VAT1L: variants seen among roughly 807,000 people sequenced by gnomAD.
VAT1L encodes the protein putative NADPH-dependent quinone oxidoreductase VAT1L.
In VAT1L, 34 loss-of-function variants were observed where a neutral mutation model predicts 44.1. That is an observed-to-expected ratio of 0.77 (90% CI 0.59 to 1.03). VAT1L has a LOEUF of 1.03. VAT1L is among the 50% of genes least tolerant of loss of function. The probability of loss-of-function intolerance (pLI) is 0.00; values close to 1 mark genes in which losing one functional copy is unlikely to be tolerated. For missense variants in VAT1L, 615 were observed against 538.8 expected (o/e 1.14, Z -1.40); for synonymous variants, 253 against 202.2 (o/e 1.25, Z -2.13).
chr16:77,922,921 A>G (rs1443003412), intron 7 of VAT1L, among the ~76,000 whole-genome samples: 1 of 152,140 alleles, frequency 6.6e-6, no homozygotes, highest in Admixed American at 6.5e-5. Context: ...TATAATGCAG[A>G]TTCCGGGACC....
chr16:77,946,301 T>TTTTTTTTTTA (rs2017965487), intron 7 of VAT1L, among the ~76,000 whole-genome samples: 1 of 127,820 alleles, frequency 7.8e-6, no homozygotes, highest in Non-Finnish European at 1.7e-5. Context: ...TTTTTTTTTT[T>TTTTTTTTTTA]GAGACAGAGT....
chr16:77,853,245 G>A (rs926071041), intron 3 of VAT1L, among the ~76,000 whole-genome samples: 1 of 152,144 alleles, frequency 6.6e-6, no homozygotes, highest in African/African-American at 2.4e-5. Context: ...CTACTTCTCT[G>A]ATCACAGAAG....
chr16:77,923,670 G>A (rs1306079823), intron 7 of VAT1L, among the ~76,000 whole-genome samples: 1 of 152,168 alleles, frequency 6.6e-6, no homozygotes, highest in African/African-American at 2.4e-5. Context: ...TTCCCAATCT[G>A]TAAAGTGAGG....
intron 7 of VAT1L, among the ~76,000 whole-genome samples, chr16:77,945,252 G>A (rs1167136626): frequency 1.4e-5 from 2 of 138,036 alleles, no homozygotes; most frequent in African/African-American, 5.3e-5. Context: ...TGACTCACTT[G>A]GAATGGCCAA....
At chr16:77,914,429 A>C (rs939976115) in intron 7 of VAT1L, among the ~76,000 whole-genome samples, 1 of 152,216 alleles carries the variant, frequency 6.6e-6, no homozygotes, top group African/African-American at 2.4e-5. Flanking sequence ...AAAATCAGCC[A>C]TGGTGTGAGC....
chr16:77,874,063 A>G (rs115214067), intron 4 of VAT1L, among the ~76,000 whole-genome samples: 1,996 of 152,146 alleles, frequency 0.013, 43 homozygotes, highest in African/African-American at 0.046. Flanking sequence ...TGTGGGAGAG[A>G]ATGTGGCCCG....
intron 6 of VAT1L, among the ~76,000 whole-genome samples, chr16:77,880,667 G>A (rs902340797): frequency 1.5e-5 from 2 of 133,010 alleles, no homozygotes; most frequent in South Asian, 2.5e-4. Context: ...TTTTGCCCGG[G>A]TATTGTATGA....
intron 3 of VAT1L, among the ~76,000 whole-genome samples, chr16:77,838,233 C>G (rs1009875947): frequency 2.6e-5 from 4 of 152,216 alleles, no homozygotes; most frequent in Admixed American, 2.6e-4. Flanking sequence ...GACCCATCCA[C>G]TTTCCCAGTG....
intron 7 of VAT1L, among the ~76,000 whole-genome samples, chr16:77,939,312 G>C (rs569110819): frequency 6.6e-6 from 1 of 152,292 alleles, no homozygotes; most frequent in South Asian, 2.1e-4. Flanking sequence ...GAGCTCCTGA[G>C]AGCCAATTGT....
intron 1 of VAT1L, among the ~76,000 whole-genome samples, chr16:77,812,496 G>A (rs960772409): frequency 1.3e-5 from 2 of 152,184 alleles, no homozygotes; most frequent in Admixed American, 1.3e-4. Context: ...CTCTGTCACT[G>A]TCATGTACTG....
intron 7 of VAT1L, among the ~76,000 whole-genome samples, chr16:77,908,869 G>A (rs541909731): frequency 1.3e-5 from 2 of 152,224 alleles, no homozygotes; most frequent in South Asian, 2.1e-4. Flanking sequence ...AACCGAGATG[G>A]CGCTACTGCA....
intron 4 of VAT1L, among the ~76,000 whole-genome samples, chr16:77,866,037 A>G (rs188636221): frequency 9.5e-4 from 144 of 152,166 alleles, no homozygotes; most frequent in African/African-American, 3.3e-3. Flanking sequence ...ACTTCCCACA[A>G]TTCATTGTGT....
At position 77,825,362 on chromosome 16, in the gene VAT1L, A is replaced by T. The variant is rs1010408109; in HGVS notation, c.480A>T (p.Ala160=). 6.2e-7 allele frequency: 1 copy of T among 1,614,140 alleles called. No homozygotes were observed. Among genetic ancestry groups the T allele is most frequent in the Admixed American group, 1.7e-5 (1 of 60,022 alleles). Residue 160 remains alanine (A), a synonymous_variant, in exon 3 of 9, where the codon GCA becomes GCT. Coordinates refer to ENST00000302536, the MANE Select transcript of VAT1L (RefSeq NM_020927.3). ...ACATGAGCTTCTCCGAGGCTGCTGC[A>T]TTCCCCATGAACTTCGTCACAGCCT... ...PDDMSFSEAA[A]FPMNFVTAYV...
At chr16:77,886,132 G>T (rs144315368) in intron 7 of VAT1L, among the ~76,000 whole-genome samples, 2 of 152,148 alleles carry the variant, frequency 1.3e-5, no homozygotes, top group African/African-American at 4.8e-5. Context: ...TTCTATTGCA[G>T]ATGCTCACCG....
intron 7 of VAT1L, among the ~76,000 whole-genome samples, chr16:77,894,129 A>C (rs2017296804): frequency 6.6e-6 from 1 of 152,158 alleles, no homozygotes; most frequent in African/African-American, 2.4e-5. Context: ...TAGCGTCTCC[A>C]CTATGTTGGG....
chr16:77,968,162 G>C (rs2018242880), intron 7 of VAT1L, among the ~76,000 whole-genome samples: 2 of 152,118 alleles, frequency 1.3e-5, no homozygotes, highest in Admixed American at 1.3e-4. Context: ...TCTGTGAGTG[G>C]GGAATCTGGG....
rs1190710381 is a variant in VAT1L, at chr16:77,925,796, C to A, written c.1077+40994C>A. 2.6e-5 allele frequency among the ~76,000 whole-genome samples: 4 copies of A among 152,038 alleles called. No individual in the cohort carries two copies. The East Asian group carries it at 7.7e-4, about 29-fold the overall frequency. The stretch of plus-strand genomic sequence containing the variant: ...GAAAAGTGCCTTTTGAGAAATCTAC[C>A]AAACAACATAAAAAGCCAGAAGCAG... On this transcript the variant is annotated intron_variant, in intron 7 of 8. Coordinates refer to ENST00000302536, the MANE Select transcript of VAT1L (RefSeq NM_020927.3).
chr16:77,952,843 T>G (rs1597118583), intron 7 of VAT1L, among the ~76,000 whole-genome samples: 4 of 96,778 alleles, frequency 4.1e-5, no homozygotes, highest in Admixed American at 3.1e-4. Context: ...GGGAACAGAG[T>G]GAGACTCCAT....
chr16:77,902,972 G>GAAAAAAAAAAAAA (rs11307214), intron 7 of VAT1L, among the ~76,000 whole-genome samples: 1 of 96,388 alleles, frequency 1.0e-5, no homozygotes, highest in Non-Finnish European at 2.0e-5. Flanking sequence ...GACTCTGTCT[G>GAAAAAAAAAAAAA]AAAAAAAAAA....
Sources: gnomAD v4.1 joint callset for allele counts (sites outside exome capture counted in the v4.1 genomes callset) on GRCh38, gnomAD v4.1.1 for gene constraint, MANE v1.5 for transcripts, NCBI Gene and HGNC (gene_info 2026-07-23, HGNC 2026-07-21) for gene names.